Variants in SLC35E3 observed in about 807,000 individuals in gnomAD.
SLC35E3 encodes bladder cancer-overexpressed gene 1 protein.
Under a neutral mutation model 30.8 loss-of-function variants are expected in SLC35E3, and 28 were observed. That is an observed-to-expected ratio of 0.91 (90% CI 0.67 to 1.25). SLC35E3 has a LOEUF of 1.25. Ranked by LOEUF, SLC35E3 falls within the 50% of genes most tolerant of loss-of-function variation. The pLI, the probability that SLC35E3 is intolerant of heterozygous loss-of-function variation, is 0.00. For synonymous variants in SLC35E3, 146 were observed against 149.2 expected (o/e 0.98, Z 0.16); for missense variants, 365 against 375.4 (o/e 0.97, Z 0.23).
chr12:68,755,357 CT>C (rs983305417), intron 3 of SLC35E3, among the ~76,000 whole-genome samples: 9 of 152,186 alleles, frequency 5.9e-5, no homozygotes, highest in Non-Finnish European at 1.3e-4. Flanking sequence ...GTGGGAATAT[CT>C]TTTTTGTTGG....
rs1878825244 is a variant in SLC35E3 at position 68,752,131 on chromosome 12, T to C, written c.613T>C (p.Phe205Leu). 1 of 1,613,878 alleles carries C rather than the reference T, an allele frequency of 6.2e-7. No homozygotes were observed. Among genetic ancestry groups the C allele is most frequent in the Non-Finnish European group, 8.5e-7 (1 of 1,180,000 alleles). ...TGCCATGTTGCTGGTTGCTGTGCCC[T>C]TCTTTGAGCCAGTGTTTGGAGAAGG... ...SSAMLLVAVP[F>L]FEPVFGEGGI... Residue 205 changes from phenylalanine to leucine, a missense_variant, in exon 3 of 5, where the codon TTC becomes CTC. By Grantham distance (22) the Phe-to-Leu change is conservative (BLOSUM62 0). Coordinates refer to ENST00000398004, the MANE Select transcript of SLC35E3 (RefSeq NM_018656.5).
In SLC35E3 at chr12:68,776,044, T is replaced by A. The variant is rs1488631372; in HGVS notation, c.*11154T>A. ...TGGGAGGCCAAGGCAGGAGGATCAC[T>A]TGAGGTCAGGAGTTGGAGACCAGCC... is the stretch of plus-strand genomic sequence containing the variant. On this transcript the variant is annotated 3_prime_UTR_variant, in exon 5 of 5. Coordinates refer to ENST00000398004, the MANE Select transcript of SLC35E3 (RefSeq NM_018656.5). 1 of 122,810 alleles carries A rather than the reference T, an allele frequency of 8.1e-6. No homozygotes were observed. Among genetic ancestry groups the A allele is most frequent in the Non-Finnish European group, 1.7e-5 (1 of 59,254 alleles). 7.6% of individuals were successfully genotyped at this position (122,810 alleles called of 1,614,324 possible).
chr12:68,762,509 A>C (rs1439160282), intron 4 of SLC35E3, among the ~76,000 whole-genome samples: 1 of 152,172 alleles, frequency 6.6e-6, no homozygotes, highest in African/African-American at 2.4e-5. Flanking sequence ...TTTGACCAGA[A>C]CATTCTGCCT....
At chr12:68,752,462 A>G (rs548708217) in intron 3 of SLC35E3, among the ~76,000 whole-genome samples, 3 of 152,358 alleles carry the variant, frequency 2.0e-5, no homozygotes, top group Admixed American at 1.3e-4. Flanking sequence ...TGTTCTGACC[A>G]TGTCAAGCTA....
At chr12:68,756,969 C>T (rs192654535) in intron 3 of SLC35E3, among the ~76,000 whole-genome samples, 13 of 152,296 alleles carry the variant, frequency 8.5e-5, no homozygotes, top group African/African-American at 2.9e-4. Flanking sequence ...GAGCCGAGAT[C>T]GTGCCACTGC....
Position 68,759,161 on chromosome 12 carries a change from T to G in SLC35E3, c.677T>G (p.Met226Arg). The change falls in exon 4 of 5, where the codon ATG becomes AGG. Residue 226 changes from methionine (M) to arginine (R), a missense_variant. Met to Arg is a moderately conservative substitution (Grantham distance 91, BLOSUM62 -1). Coordinates refer to ENST00000398004, the MANE Select transcript of SLC35E3 (RefSeq NM_018656.5). ...FGPWSVSALL[M>R]VLLSGVIAFM... ...GTTCTTTTGGTTTATTTGTAGCTTA[T>G]GGTGCTGCTATCTGGAGTAATAGCT... 1 of 1,610,732 alleles carries G rather than the reference T, an allele frequency of 6.2e-7. No homozygotes were observed. The highest frequency in any genetic ancestry group is 8.5e-7 in the Non-Finnish European group (1 of 1,177,448).
chr12:68,753,311 G>A (rs532746301), intron 3 of SLC35E3, among the ~76,000 whole-genome samples: 11 of 151,784 alleles, frequency 7.2e-5, no homozygotes, highest in Non-Finnish European at 1.6e-4. Context: ...AAAAAAGCCA[G>A]GCATGGTGGC....
intron 3 of SLC35E3, among the ~76,000 whole-genome samples, chr12:68,756,470 C>A: frequency 6.7e-6 from 1 of 149,316 alleles, no homozygotes; most frequent in South Asian, 2.1e-4. Context: ...ATGAAGCCAG[C>A]ATTACCCTAA....
At chr12:68,757,920 T>G (rs948218123) in intron 3 of SLC35E3, among the ~76,000 whole-genome samples, 2 of 148,356 alleles carry the variant, frequency 1.3e-5, no homozygotes, top group African/African-American at 2.5e-5. Flanking sequence ...AAACCCCATC[T>G]CTACCAAAAA....
chr12:68,759,027 C>T, intron 3 of SLC35E3, 130 bp from the exon 4 acceptor site: 2 of 722,310 alleles, frequency 2.8e-6, no homozygotes, highest in Non-Finnish European at 4.6e-6. Context: ...CCGCGCCCGG[C>T]CCTCTCTTTC....
chr12:68,758,976 G>A (rs1372806051), intron 3 of SLC35E3, among the ~76,000 whole-genome samples, 181 bp from the exon 4 acceptor site: 18 of 152,086 alleles, frequency 1.2e-4, no homozygotes, highest in East Asian at 3.9e-4. Context: ...TGATCCGCCC[G>A]CCTTGGCCTC....
Position 68,746,262 on chromosome 12 carries a change from C to T in SLC35E3, c.-116C>T. On this transcript the variant is annotated 5_prime_UTR_variant, in exon 1 of 5. Coordinates refer to ENST00000398004, the MANE Select transcript of SLC35E3 (RefSeq NM_018656.5). ...CCGGGGTTGATCTGTGCATGCCACT[C>T]CTGGGTCAGACGGTGAGGTCGGCGT... 2.0e-6 allele frequency: 2 copies of T among 1,012,710 alleles called. No homozygotes were observed. Among genetic ancestry groups the T allele is most frequent in the East Asian group, 2.5e-5 (1 of 39,230 alleles). 62.7% of individuals were successfully genotyped at this position (1,012,710 alleles called of 1,614,324 possible).
intron 4 of SLC35E3, among the ~76,000 whole-genome samples, chr12:68,761,411 C>T (rs937500016): frequency 2.6e-5 from 4 of 152,062 alleles, no homozygotes; most frequent in Admixed American, 6.6e-5. Flanking sequence ...TAAAATAAAT[C>T]ATAGAATCAC....
intron 2 of SLC35E3, among the ~76,000 whole-genome samples, chr12:68,748,281 T>C (rs921589072): frequency 6.6e-6 from 1 of 152,178 alleles, no homozygotes; most frequent in Admixed American, 6.5e-5. Flanking sequence ...CAGTCTCAGC[T>C]TGGGGTGAAG....
chr12:68,752,144 T>C lies in SLC35E3; in HGVS notation c.626T>C (p.Val209Ala), dbSNP rs1878826047. 2 of 1,613,596 alleles carry C rather than the reference T, an allele frequency of 1.2e-6. No individual in the cohort carries two copies. The change falls in exon 3 of 5, where the codon GTG becomes GCG. Residue 209 changes from valine to alanine, a missense_variant. By Grantham distance (64) the Val-to-Ala change is moderately conservative. Coordinates refer to ENST00000398004, the MANE Select transcript of SLC35E3 (RefSeq NM_018656.5). ...LLVAVPFFEPVFGEGGIFGPW... is the reference protein window; with the variant it reads ...LLVAVPFFEPAFGEGGIFGPW... ...GTTGCTGTGCCCTTCTTTGAGCCAG[T>C]GTTTGGAGAAGGAGGAATATTTGGT... is the stretch of plus-strand genomic sequence containing the variant.
Position 68,746,201 on chromosome 12 carries a change from G to T in SLC35E3, c.-177G>T. 1.9e-6 allele frequency: 1 copy of T among 525,338 alleles called. No individual in the cohort carries two copies. The allele number at this position is 525,338 out of a possible 1,614,324, so 32.5% of individuals were successfully genotyped here. A position where few individuals can be genotyped will look rare whatever the true frequency, so the allele number is the denominator to read the frequency against. On this transcript the variant is annotated 5_prime_UTR_variant, in exon 1 of 5. Coordinates refer to ENST00000398004, the MANE Select transcript of SLC35E3 (RefSeq NM_018656.5). The stretch of plus-strand genomic sequence containing the variant: ...GTCCTAGCTGGCTTACAGGGCGGCG[G>T]CGGGGTGTGTGTCCTCTGTTAAGAG...
At chr12:68,754,535 C>G (rs1409968744) in intron 3 of SLC35E3, among the ~76,000 whole-genome samples, 1 of 152,178 alleles carries the variant, frequency 6.6e-6, no homozygotes, top group Non-Finnish European at 1.5e-5. Context: ...ATCCACCCAC[C>G]TCGGCCTCCC....
intron 3 of SLC35E3, among the ~76,000 whole-genome samples, chr12:68,753,007 G>T (rs1480871417): frequency 2.0e-5 from 3 of 151,776 alleles, no homozygotes; most frequent in African/African-American, 2.4e-5. Flanking sequence ...TAAGCCAGGC[G>T]TGGTGGCACA....
At chr12:68,754,493 C>T (rs1878928306) in intron 3 of SLC35E3, among the ~76,000 whole-genome samples, 1 of 151,976 alleles carries the variant, frequency 6.6e-6, no homozygotes, top group East Asian at 1.9e-4. Context: ...ACCATGTTGG[C>T]CAGGCTGGTC....
Sources: allele counts gnomAD v4.1 joint callset (sites outside exome capture counted in the v4.1 genomes callset), GRCh38; gene constraint gnomAD v4.1.1; transcripts MANE v1.5; gene names NCBI Gene and HGNC (gene_info 2026-07-23, HGNC 2026-07-21).